SCHIP1: variants seen among roughly 807,000 people sequenced by gnomAD.
SCHIP1 encodes schwannomin interacting protein 1.
In SCHIP1, 8 loss-of-function variants were observed where a neutral mutation model predicts 29.7. That is an observed-to-expected ratio of 0.27 (90% CI 0.16 to 0.49). The LOEUF is 0.49. SCHIP1 is among the 20% of genes least tolerant of loss of function. The pLI, the probability that SCHIP1 is intolerant of heterozygous loss-of-function variation, is 0.99. For missense variants in SCHIP1, 193 were observed against 294.6 expected, an observed-to-expected ratio of 0.66 and a Z score of 2.52; for synonymous variants, 76 against 94.9, an observed-to-expected ratio of 0.80 and a Z score of 1.16.
At chr3:159,556,759 G>A in the SCHIP1 span, among the ~76,000 whole-genome samples, 1 of 119,488 alleles carries the variant, frequency 8.4e-6, no homozygotes, top group Non-Finnish European at 1.7e-5. Flanking sequence ...CACACTCTGG[G>A]GACTGTTGTG....
the SCHIP1 span, chr3:159,808,626 T>C: frequency 6.6e-6 from 1 of 152,096 alleles, no homozygotes; most frequent in Non-Finnish European, 1.5e-5. Context: ...GGAAGGAAGG[T>C]GAGATATGAC....
At chr3:159,473,077 A>G in the SCHIP1 span, among the ~76,000 whole-genome samples, 3 of 152,204 alleles carry the variant, frequency 2.0e-5, no homozygotes, top group African/African-American at 7.2e-5. Context: ...ACTCAGTTTA[A>G]AAAAAGTACA....
At chr3:159,302,997 A>C in the SCHIP1 span, among the ~76,000 whole-genome samples, 1 of 152,226 alleles carries the variant, frequency 6.6e-6, no homozygotes, top group Non-Finnish European at 1.5e-5. Flanking sequence ...TATATGAGGT[A>C]AGTATTATAC....
At chr3:159,646,437 G>C in the SCHIP1 span, among the ~76,000 whole-genome samples, 1 of 152,074 alleles carries the variant, frequency 6.6e-6, no homozygotes, top group Non-Finnish European at 1.5e-5. Context: ...GACTTTCTTA[G>C]AGCTGTACTG....
At chr3:159,460,880 A>G in the SCHIP1 span, among the ~76,000 whole-genome samples, 1 of 152,208 alleles carries the variant, frequency 6.6e-6, no homozygotes, top group South Asian at 2.1e-4. Context: ...AAGTAGAGAA[A>G]AAAATCTGTA....
upstream of SCHIP1, among the ~76,000 whole-genome samples, chr3:159,837,975 C>T (rs1743836933): frequency 6.6e-6 from 1 of 152,170 alleles, no homozygotes; most frequent in Non-Finnish European, 1.5e-5. Flanking sequence ...TGTTATGTGA[C>T]CCACCCCTCT....
At chr3:159,436,527 C>T in the SCHIP1 span, among the ~76,000 whole-genome samples, 1 of 152,108 alleles carries the variant, frequency 6.6e-6, no homozygotes, top group African/African-American at 2.4e-5. Flanking sequence ...CTTTTCTTGG[C>T]TGCATTCATC....
At chr3:159,657,881 C>T in the SCHIP1 span, among the ~76,000 whole-genome samples, 2 of 152,190 alleles carry the variant, frequency 1.3e-5, no homozygotes, top group Non-Finnish European at 2.9e-5. Context: ...ATGTCATTGT[C>T]CACATGAAGC....
the SCHIP1 span, among the ~76,000 whole-genome samples, chr3:159,488,170 T>C: frequency 6.6e-6 from 1 of 151,882 alleles, no homozygotes; most frequent in African/African-American, 2.4e-5. Context: ...AGTAGAATGA[T>C]GGTTACCAGA....
the SCHIP1 span, among the ~76,000 whole-genome samples, chr3:159,697,463 C>A: frequency 2.0e-5 from 3 of 152,032 alleles, no homozygotes; most frequent in Non-Finnish European, 4.4e-5. Context: ...TGGATATAAT[C>A]CCATTAAGCT....
At chr3:159,539,230 T>C in the SCHIP1 span, among the ~76,000 whole-genome samples, 12 of 139,326 alleles carry the variant, frequency 8.6e-5, 1 homozygote, top group African/African-American at 3.0e-4. Flanking sequence ...TAGTCAATAA[T>C]ATGGATCAAT....
chr3:159,849,945 G>A (rs1216689289), intron 1 of SCHIP1, among the ~76,000 whole-genome samples: 1 of 152,178 alleles, frequency 6.6e-6, no homozygotes, highest in Non-Finnish European at 1.5e-5. Context: ...GCAAGGCAGT[G>A]TTCTACATGC....
At chr3:159,869,238 T>C (rs1028119239) in intron 2 of SCHIP1, among the ~76,000 whole-genome samples, 1 of 152,026 alleles carries the variant, frequency 6.6e-6, no homozygotes, top group Non-Finnish European at 1.5e-5. Context: ...GTTCTGAATT[T>C]TATAGGTTGA....
the SCHIP1 span, among the ~76,000 whole-genome samples, chr3:159,422,212 T>C: frequency 4.6e-5 from 7 of 152,212 alleles, no homozygotes; most frequent in Non-Finnish European, 1.0e-4. Context: ...TTTTATTTCA[T>C]CAATGGATTG....
chr3:159,788,843 A>G, the SCHIP1 span, among the ~76,000 whole-genome samples: 1 of 152,162 alleles, frequency 6.6e-6, no homozygotes, highest in South Asian at 2.1e-4. Flanking sequence ...TATATATATA[A>G]TTCACCTTAC....
the SCHIP1 span, among the ~76,000 whole-genome samples, chr3:159,728,808 G>A: frequency 2.6e-5 from 4 of 152,190 alleles, no homozygotes; most frequent in African/African-American, 9.6e-5. Flanking sequence ...ATTATTCCTG[G>A]CAGTCAGGCC....
At chr3:159,428,893 G>T in the SCHIP1 span, among the ~76,000 whole-genome samples, 1 of 152,152 alleles carries the variant, frequency 6.6e-6, no homozygotes, top group African/African-American at 2.4e-5. Context: ...CATGTCCTTT[G>T]TAGGGACATG....
the SCHIP1 span, among the ~76,000 whole-genome samples, chr3:159,469,136 A>G: frequency 6.6e-6 from 1 of 152,086 alleles, no homozygotes; most frequent in Admixed American, 6.6e-5. Flanking sequence ...ACACAAGACC[A>G]ATTTTAGGAC....
chr3:159,692,981 T>C, the SCHIP1 span, among the ~76,000 whole-genome samples: 58 of 152,346 alleles, frequency 3.8e-4, no homozygotes, highest in African/African-American at 1.4e-3. Context: ...TAATTTACTA[T>C]GCACTTCTCA....
Sources: gnomAD v4.1 joint callset for allele counts (sites outside exome capture counted in the v4.1 genomes callset) on GRCh38, gnomAD v4.1.1 for gene constraint, MANE v1.5 for transcripts, NCBI Gene and HGNC (gene_info 2026-07-23, HGNC 2026-07-21) for gene names.